HEPHL1: variants seen among roughly 807,000 people sequenced by gnomAD.
The protein encoded by HEPHL1 is ferroxidase HEPHL1.
HEPHL1 carries 123 observed loss-of-function variants against 122.0 expected under a neutral mutation model. That is an observed-to-expected ratio of 1.01 (90% CI 0.87 to 1.17). The LOEUF (loss-of-function observed/expected upper bound fraction) is 1.17. Ranked by LOEUF, HEPHL1 falls within the 50% of genes most tolerant of loss-of-function variation. The probability of loss-of-function intolerance (pLI) is 0.00; values close to 1 mark genes in which losing one functional copy is unlikely to be tolerated. For missense variants in HEPHL1, 1,452 were observed against 1,430.5 expected (o/e 1.01, Z -0.24); for synonymous variants, 527 against 508.9 (o/e 1.04, Z -0.48).
chr11:94,064,308 A>G, intron 3 of HEPHL1, 23 bp from the exon 4 acceptor site: 1 of 1,577,342 alleles, frequency 6.3e-7, no homozygotes, highest in Non-Finnish European at 8.7e-7. Flanking sequence ...CTTTCTCTCT[A>G]CTCTTTTGAA....
chr11:94,043,444 T>C (rs1945805223), intron 1 of HEPHL1, among the ~76,000 whole-genome samples: 1 of 152,118 alleles, frequency 6.6e-6, no homozygotes, highest in Non-Finnish European at 1.5e-5. Context: ...GGCTGGGGGA[T>C]GAATGATATC....
intron 5 of HEPHL1, 89 bp downstream of exon 5, chr11:94,067,839 G>T: frequency 2.5e-6 from 3 of 1,190,894 alleles, no homozygotes; most frequent in Non-Finnish European, 2.4e-6. Flanking sequence ...CCTACTGTTA[G>T]ATAGAGCCTT....
At chr11:94,098,159 G>T (rs995336099) in intron 13 of HEPHL1, among the ~76,000 whole-genome samples, 4 of 152,156 alleles carry the variant, frequency 2.6e-5, no homozygotes, top group African/African-American at 9.7e-5. Flanking sequence ...GGTACTGATT[G>T]TTCCTTTCCA....
chr11:94,110,269 T>C (rs2134456304), intron 17 of HEPHL1, among the ~76,000 whole-genome samples: 1 of 152,342 alleles, frequency 6.6e-6, no homozygotes, highest in African/African-American at 2.4e-5. Context: ...CAAATTACTC[T>C]AAACTTAGAG....
At chr11:94,089,075 C>T (rs996956558) in intron 12 of HEPHL1, 107 bp downstream of exon 12, 7 of 1,025,340 alleles carry the variant, frequency 6.8e-6, no homozygotes, top group Non-Finnish European at 1.0e-5. Context: ...CTCCACAGTT[C>T]CGGCCGACAG....
At chr11:94,062,851 GCTGTT>G (rs1945997861) in intron 2 of HEPHL1, among the ~76,000 whole-genome samples, 1 of 152,230 alleles carries the variant, frequency 6.6e-6, no homozygotes, top group South Asian at 2.1e-4. Flanking sequence ...AGAGTAAGGG[GCTGTT>G]CTGCCCCTGC....
At chr11:94,042,260 C>T (rs1476315977) in intron 1 of HEPHL1, among the ~76,000 whole-genome samples, 1 of 99,600 alleles carries the variant, frequency 1.0e-5, no homozygotes. Context: ...AATAGGAACA[C>T]TTTTACACTG....
chr11:94,101,226 C>T lies in HEPHL1; in HGVS notation c.2466C>T (p.Thr822=), dbSNP rs560784948. ...GPMIHAEVGN[T]VLIIFKNKAS... The stretch of plus-strand genomic sequence containing the variant: ...TGATTCATGCTGAGGTGGGCAACAC[C>T]GTCCTGATCATATTTAAGAACAAAG... The change falls in exon 14 of 20, where the codon ACC becomes ACT. Residue 822 remains threonine (T), a synonymous_variant. Coordinates refer to ENST00000315765, the MANE Select transcript of HEPHL1 (RefSeq NM_001098672.2). 8.5e-5 allele frequency: 137 copies of T among 1,613,932 alleles called. No individual in the cohort carries two copies. In the East Asian group the frequency reaches 1.0e-3, roughly 12 times the overall value.
intron 17 of HEPHL1, among the ~76,000 whole-genome samples, chr11:94,109,921 T>G (rs756375546): frequency 6.6e-6 from 1 of 152,238 alleles, no homozygotes; most frequent in Non-Finnish European, 1.5e-5. Flanking sequence ...ATTTCTCCAT[T>G]AAATGTTTGG....
rs569102019 is a variant in HEPHL1, at chr11:94,024,872, C to T, written c.170+3334C>T. Reference sequence around the variant, plus strand: ...CACGGAACTTTGTCATTGACAATATCCTATGGAGGATCCAGTACAGGGCAG... The same window carrying T: ...CACGGAACTTTGTCATTGACAATATTCTATGGAGGATCCAGTACAGGGCAG... On this transcript the variant is annotated intron_variant, in intron 1 of 19. Transcript: ENST00000315765. Among the ~76,000 whole-genome samples the T allele has an allele frequency of 6.6e-5, 10 of 152,202 alleles. No individual in the cohort carries two copies. In the East Asian group the frequency reaches 1.7e-3, roughly 26 times the overall value.
At chr11:94,031,399 G>T (rs908198108) in intron 1 of HEPHL1, among the ~76,000 whole-genome samples, 24 of 150,694 alleles carry the variant, frequency 1.6e-4, no homozygotes, top group Middle Eastern at 3.4e-3. Flanking sequence ...ATACGGCTCT[G>T]CAATTTGCTT....
chr11:94,096,211 T>C (rs941624193), intron 13 of HEPHL1, among the ~76,000 whole-genome samples: 3 of 152,212 alleles, frequency 2.0e-5, no homozygotes, highest in Non-Finnish European at 4.4e-5. Context: ...CCTAATTTAT[T>C]GAGAGTTTTT....
intron 1 of HEPHL1, among the ~76,000 whole-genome samples, chr11:94,033,806 G>A (rs1227809657): frequency 1.3e-5 from 2 of 152,166 alleles, no homozygotes; most frequent in Non-Finnish European, 2.9e-5. Flanking sequence ...GGAATAAAAA[G>A]GATGTTTAAA....
chr11:94,077,903 C>T (rs1354288468), intron 9 of HEPHL1, among the ~76,000 whole-genome samples: 1 of 152,192 alleles, frequency 6.6e-6, no homozygotes, highest in Admixed American at 6.5e-5. Context: ...CTTCTTGTCA[C>T]TCCTCAGAGA....
chr11:94,033,212 C>G (rs1945691629), intron 1 of HEPHL1, among the ~76,000 whole-genome samples: 1 of 152,178 alleles, frequency 6.6e-6, no homozygotes, highest in Non-Finnish European at 1.5e-5. Flanking sequence ...CTCAGTCTCT[C>G]CTTTTGCCTT....
rs1946365331 is a variant in HEPHL1 at position 94,101,266 on chromosome 11, T to G, written c.2506T>G (p.Ser836Ala). The G allele has an allele frequency of 3.7e-6, 6 of 1,613,818 alleles. No individual in the cohort carries two copies. The highest frequency in any genetic ancestry group is 5.1e-6 in the Non-Finnish European group (6 of 1,179,842). Residue 836 changes from serine (S) to alanine (A), a missense_variant, in exon 14 of 20, where the codon TCC becomes GCC. Transcript: ENST00000315765. ...IFKNKASRPY[S>A]ISAQGVEEMD... ...TAAGAACAAAGCCAGTAGGCCCTAC[T>G]CCATCTCAGCCCAGGGTGTGGAGGA...
In HEPHL1 at chr11:94,112,939, C is replaced by A. The variant is rs1239096804; in HGVS notation, c.*1045C>A. The A allele has an allele frequency of 1.3e-5, 2 of 151,874 alleles. No individual in the cohort carries two copies. The highest frequency in any genetic ancestry group is 6.6e-5 in the Admixed American group (1 of 15,210). 9.4% of individuals were successfully genotyped at this position (151,874 alleles called of 1,614,324 possible). On this transcript the variant is annotated 3_prime_UTR_variant, in exon 20 of 20. Transcript: ENST00000315765. The stretch of plus-strand genomic sequence containing the variant: ...GTAGGTGACTAGATAGGAGAAGGGA[C>A]CTCTAAATATCCTAGATTCTATGGC...
At chr11:94,069,098 T>C (rs1450579656) in intron 5 of HEPHL1, among the ~76,000 whole-genome samples, 2 of 152,172 alleles carry the variant, frequency 1.3e-5, no homozygotes, top group African/African-American at 4.8e-5. Flanking sequence ...TGCTGTTAAA[T>C]CTGGGAAGAA....
Position 94,089,149 on chromosome 11 carries a change from C to T in HEPHL1, c.2294+181C>T, listed in dbSNP as rs151289653. ...ACCTCGGCCTCCGGAAGGCAGCGTG[C>T]GGTGTCTCGCAGGCCCTCGGCGGGC... On this transcript the variant is annotated intron_variant, in intron 12 of 19. Coordinates refer to ENST00000315765, the MANE Select transcript of HEPHL1 (RefSeq NM_001098672.2). Among the ~76,000 whole-genome samples the T allele has an allele frequency of 3.7e-3, 562 of 152,284 alleles. 4 individuals carry two copies. Among genetic ancestry groups the T allele is most frequent in the African/African-American group, 0.013 (521 of 41,566 alleles).
Sources: allele counts gnomAD v4.1 joint callset (sites outside exome capture counted in the v4.1 genomes callset), GRCh38; gene constraint gnomAD v4.1.1; transcripts MANE v1.5; gene names NCBI Gene and HGNC (gene_info 2026-07-23, HGNC 2026-07-21).